GABRG3: variants seen among roughly 807,000 people sequenced by gnomAD.
GABRG3 encodes the protein gamma-aminobutyric acid receptor subunit gamma-3.
Under a neutral mutation model 48.8 loss-of-function variants are expected in GABRG3, and 25 were observed. The observed-to-expected ratio is 0.51, with a 90% CI of 0.37 to 0.72. GABRG3 has a LOEUF of 0.72. Ranked by LOEUF, GABRG3 falls within the 30% of genes least tolerant of loss-of-function variation. The pLI, the probability that GABRG3 is intolerant of heterozygous loss-of-function variation, is 0.00. For missense variants in GABRG3, 394 were observed against 577.9 expected (o/e 0.68, Z 3.26); for synonymous variants, 227 against 217.6 (o/e 1.04, Z -0.38).
chr15:27,022,396 C>T (rs951948117), intron 2 of GABRG3, among the ~76,000 whole-genome samples: 2 of 152,136 alleles, frequency 1.3e-5, no homozygotes, highest in African/African-American at 4.8e-5. Context: ...AACATCTGTG[C>T]CCACCTCAGG....
chr15:27,267,102 C>CTTTTTTTT, intron 3 of GABRG3, among the ~76,000 whole-genome samples: 1 of 112,858 alleles, frequency 8.9e-6, no homozygotes, highest in Non-Finnish European at 1.8e-5. Context: ...TAGTCTTTTA[C>CTTTTTTTT]TTTTTTTTTT....
chr15:27,310,420 AG>A (rs1375726478), intron 3 of GABRG3, among the ~76,000 whole-genome samples: 1 of 152,186 alleles, frequency 6.6e-6, no homozygotes, highest in Non-Finnish European at 1.5e-5. Flanking sequence ...ATCTAGTAAA[AG>A]ATGAGTATTA....
chr15:27,456,012 G>T (rs1038933101), intron 5 of GABRG3, among the ~76,000 whole-genome samples: 4 of 152,156 alleles, frequency 2.6e-5, no homozygotes, highest in African/African-American at 9.7e-5. Context: ...TCTTACCCCA[G>T]TGTGTTCTGA....
chr15:27,445,789 G>C (rs897696880), intron 5 of GABRG3, among the ~76,000 whole-genome samples: 1 of 152,054 alleles, frequency 6.6e-6, no homozygotes, highest in Non-Finnish European at 1.5e-5. Context: ...TGCAGTACCA[G>C]TTATGTCCCA....
chr15:27,254,156 G>A (rs1462729533), intron 3 of GABRG3, among the ~76,000 whole-genome samples: 1 of 152,176 alleles, frequency 6.6e-6, no homozygotes, highest in East Asian at 1.9e-4. Context: ...ATGCACTGGC[G>A]ACAATGCAGG....
At chr15:27,158,224 A>G (rs1416378141) in intron 3 of GABRG3, 1 of 152,146 alleles carries the variant, frequency 6.6e-6, no homozygotes, top group Admixed American at 6.6e-5. Flanking sequence ...ATTTAGGGTA[A>G]ATTACACCAG....
At chr15:27,388,335 GAA>G (rs1896093665) in intron 5 of GABRG3, among the ~76,000 whole-genome samples, 1 of 61,570 alleles carries the variant, frequency 1.6e-5, no homozygotes. Flanking sequence ...AGGAAGGAAG[GAA>G]AGGTGGGAGG....
intron 3 of GABRG3, among the ~76,000 whole-genome samples, chr15:27,282,760 A>G (rs973033383): frequency 1.3e-5 from 2 of 152,196 alleles, no homozygotes; most frequent in African/African-American, 4.8e-5. Flanking sequence ...AAGTTGAGAT[A>G]GCATGAGTTA....
intron 5 of GABRG3, among the ~76,000 whole-genome samples, chr15:27,380,380 T>C (rs1330044454): frequency 6.6e-6 from 1 of 152,218 alleles, no homozygotes; most frequent in East Asian, 1.9e-4. Context: ...TTTATCTGAG[T>C]CTGGTTATGA....
intron 2 of GABRG3, among the ~76,000 whole-genome samples, chr15:26,984,582 T>C (rs1895116995): frequency 6.6e-6 from 1 of 152,190 alleles, no homozygotes; most frequent in South Asian, 2.1e-4. Context: ...TAAGTAATGC[T>C]TCAGCCCTGT....
At chr15:27,225,284 C>A (rs773333427) in intron 3 of GABRG3, among the ~76,000 whole-genome samples, 2 of 152,060 alleles carry the variant, frequency 1.3e-5, no homozygotes, top group African/African-American at 2.4e-5. Flanking sequence ...GCACAGTTGC[C>A]TTCGCTTCCC....
chr15:27,349,051 C>G (rs1595694845), intron 5 of GABRG3, among the ~76,000 whole-genome samples: 1 of 151,898 alleles, frequency 6.6e-6, no homozygotes. Context: ...GGGAGGGGAG[C>G]ATGGGCAGGA....
rs1362736805 is a variant in GABRG3, at chr15:27,326,974, A to G, written c.436A>G (p.Thr146Ala). The G allele has an allele frequency of 1.9e-6, 3 of 1,613,916 alleles. No individual in the cohort carries two copies. Among genetic ancestry groups the G allele is most frequent in the Non-Finnish European group, 2.5e-6 (3 of 1,179,910 alleles). The change falls in exon 4 of 10, where the codon ACA becomes GCA. Residue 146 changes from threonine to alanine, a missense_variant. This residue lies in a region of GABRG3 where 218 missense variants were observed against 309.9 expected (regional missense o/e 0.70). Transcript: ENST00000615808. ...AACCGCAGAGGCTCACTGGATCACC[A>G]CACCCAATCAGCTCCTCCGGATTTG... ...SKTAEAHWIT[T>A]PNQLLRIWND...
intron 6 of GABRG3, among the ~76,000 whole-genome samples, chr15:27,511,395 A>G (rs1890891863): frequency 6.6e-6 from 1 of 152,224 alleles, no homozygotes; most frequent in Non-Finnish European, 1.5e-5. Flanking sequence ...GTGATGCTGA[A>G]GAAGGGACAG....
chr15:27,397,703 A>G (rs944131017), intron 5 of GABRG3, among the ~76,000 whole-genome samples: 3 of 152,074 alleles, frequency 2.0e-5, no homozygotes, highest in Non-Finnish European at 4.4e-5. Flanking sequence ...TGTAGCTAAT[A>G]TGAAGTAGAG....
intron 3 of GABRG3, among the ~76,000 whole-genome samples, chr15:27,152,206 AT>A (rs556790131): frequency 2.0e-3 from 299 of 152,234 alleles, no homozygotes; most frequent in African/African-American, 6.8e-3. Context: ...TAAATGTCCA[AT>A]TTTTCCAGCA....
intron 3 of GABRG3, among the ~76,000 whole-genome samples, chr15:27,099,312 G>C (rs1403011121): frequency 6.6e-6 from 1 of 152,092 alleles, no homozygotes; most frequent in Non-Finnish European, 1.5e-5. Flanking sequence ...CACAGCCTGG[G>C]CACTTTATTT....
intron 4 of GABRG3, among the ~76,000 whole-genome samples, chr15:27,327,404 C>A (rs770096306): frequency 2.0e-5 from 3 of 152,288 alleles, no homozygotes; most frequent in East Asian, 1.9e-4. Context: ...CAGCCCCTTT[C>A]CCAGCACATC....
chr15:27,395,109 G>C (rs1214454365), intron 5 of GABRG3, among the ~76,000 whole-genome samples: 2 of 152,106 alleles, frequency 1.3e-5, no homozygotes, highest in Non-Finnish European at 2.9e-5. Context: ...TACAATTGAT[G>C]GTGTCTCCCA....
Sources: gnomAD v4.1 joint callset for allele counts (sites outside exome capture counted in the v4.1 genomes callset) on GRCh38, gnomAD v4.1.1 for gene constraint, gnomAD v4.1.1 regional missense constraint, MANE v1.5 for transcripts, NCBI Gene and HGNC (gene_info 2026-07-23, HGNC 2026-07-21) for gene names.